Variants in TDRD9 observed in about 807,000 individuals in gnomAD.
TDRD9 encodes ATP-dependent RNA helicase TDRD9.
Under a neutral mutation model 172.6 loss-of-function variants are expected in TDRD9, and 124 were observed. The observed-to-expected ratio is 0.72, with a 90% CI of 0.62 to 0.83. TDRD9 has a LOEUF of 0.83. Ranked by LOEUF, TDRD9 falls within the 40% of genes least tolerant of loss-of-function variation. The pLI is 0.00. For missense variants in TDRD9, 1,479 were observed against 1,714.1 expected (o/e 0.86, Z 2.42); for synonymous variants, 619 against 617.1 (o/e 1.00, Z -0.05).
intron 20 of TDRD9, 36 bp downstream of exon 20, chr14:104,008,502 A>G (rs769299058): frequency 6.2e-6 from 8 of 1,284,842 alleles, no homozygotes; most frequent in Non-Finnish European, 9.0e-6. Context: ...GATGCAAATA[A>G]AGTTGACTTA....
At chr14:103,947,494 A>AT (rs2031633267) in intron 1 of TDRD9, among the ~76,000 whole-genome samples, 1 of 151,666 alleles carries the variant, frequency 6.6e-6, no homozygotes, top group African/African-American at 2.4e-5. Flanking sequence ...CGCCCGGCTA[A>AT]TTTTTTTGTA....
chr14:103,933,819 A>G lies in TDRD9; in HGVS notation c.215+5095A>G, dbSNP rs946564479. On this transcript the variant is annotated intron_variant, in intron 1 of 35. Coordinates refer to ENST00000409874, the MANE Select transcript of TDRD9 (RefSeq NM_153046.3). ...AATGAGCCGTCTCGGCCCTTCTGAC[A>G]GATGGGGGAAGTTAAGATCAGAGAA... is the stretch of plus-strand genomic sequence containing the variant. Among the ~76,000 whole-genome samples the G allele has an allele frequency of 1.1e-4, 17 of 152,238 alleles. 1 individual carries two copies. Among genetic ancestry groups the G allele is most frequent in the African/African-American group, 4.1e-4 (17 of 41,474 alleles).
rs1166628147 is a variant in TDRD9, at chr14:104,026,122, G to T, written c.3007G>T (p.Glu1003Ter). The T allele has an allele frequency of 2.5e-6, 4 of 1,606,134 alleles. No homozygotes were observed. The South Asian group carries it at 3.3e-5, about 13-fold the overall frequency. ...GATGGAGATTCCCTGTCAATTTCTTGAACTTCCTTTCCAGGTAAGGTAGAG... is the reference window on the plus strand; with the variant it reads ...GATGGAGATTCCCTGTCAATTTCTTTAACTTCCTTTCCAGGTAAGGTAGAG... ...LLMEIPCQFL[E>*]LPFQALEFKI... Residue 1003 changes from glutamate (E) to a stop codon, truncating the protein, a stop_gained, in exon 27 of 36, where the codon GAA (glutamate) becomes TAA (stop). Transcript: ENST00000409874. LOFTEE classifies it high-confidence loss of function.
chr14:104,011,021 C>T (rs2034596736), intron 20 of TDRD9, among the ~76,000 whole-genome samples: 1 of 152,324 alleles, frequency 6.6e-6, no homozygotes, highest in East Asian at 1.9e-4. Context: ...AGCATCACTG[C>T]AGACACGTGA....
At position 103,955,776 on chromosome 14, in the gene TDRD9, C is replaced by G; in HGVS notation, c.322+6C>G. 3 of 1,549,252 alleles carry G rather than the reference C, an allele frequency of 1.9e-6. No individual in the cohort carries two copies. The highest frequency in any genetic ancestry group is 2.6e-6 in the Non-Finnish European group (3 of 1,145,592). The stretch of plus-strand genomic sequence containing the variant: ...CCAACCAACCAGTGGGCCAGGTAAA[C>G]AGGTCTCTTTAAATATTTTAGATAG... On this transcript the variant is annotated splice_donor_region_variant and intron_variant, in intron 2 of 35. Coordinates refer to ENST00000409874, the MANE Select transcript of TDRD9 (RefSeq NM_153046.3).
chr14:103,996,666 A>T (rs1197449182), intron 12 of TDRD9, among the ~76,000 whole-genome samples: 1 of 152,184 alleles, frequency 6.6e-6, no homozygotes, highest in Admixed American at 6.5e-5. Flanking sequence ...GATAATGAGC[A>T]GGTGTTTTGT....
At chr14:103,983,849 A>G (rs1390045002) in intron 7 of TDRD9, among the ~76,000 whole-genome samples, 1 of 152,260 alleles carries the variant, frequency 6.6e-6, no homozygotes, top group Non-Finnish European at 1.5e-5. Flanking sequence ...GGAACTTCCT[A>G]GAGACTTGTT....
Position 104,039,273 on chromosome 14 carries a change from T to G in TDRD9, c.3717-923T>G, listed in dbSNP as rs1335403490. Among the ~76,000 whole-genome samples, 3 of 152,258 alleles carry G rather than the reference T, an allele frequency of 2.0e-5. No individual in the cohort carries two copies. The East Asian group carries it at 5.8e-4, about 29-fold the overall frequency. On this transcript the variant is annotated intron_variant, in intron 32 of 35. Coordinates refer to ENST00000409874, the MANE Select transcript of TDRD9 (RefSeq NM_153046.3). Reference sequence around the variant, plus strand: ...GATTAACTGCCTTCCAGAGGGTCCCTCCCATGACACGTGGGGATTATTTAG... The same window carrying G: ...GATTAACTGCCTTCCAGAGGGTCCCGCCCATGACACGTGGGGATTATTTAG...
chr14:103,972,993 GAAT>G (rs1295651963), intron 6 of TDRD9, among the ~76,000 whole-genome samples: 2 of 152,140 alleles, frequency 1.3e-5, no homozygotes, highest in Non-Finnish European at 2.9e-5. Flanking sequence ...ACTCAAGTCA[GAAT>G]AATGAGTTGG....
At chr14:103,994,660 T>C (rs1195945862) in intron 11 of TDRD9, 57 bp downstream of exon 11, 18 of 1,420,600 alleles carry the variant, frequency 1.3e-5, no homozygotes, top group Non-Finnish European at 1.7e-5. Flanking sequence ...CCTTAGAGAC[T>C]CTACTCATGA....
intron 3 of TDRD9, among the ~76,000 whole-genome samples, chr14:103,963,654 A>G (rs992827282): frequency 1.3e-5 from 2 of 152,248 alleles, no homozygotes; most frequent in Admixed American, 6.5e-5. Context: ...TGCCAGGCAG[A>G]TGTAACAGTA....
At chr14:104,000,099 G>T (rs1000479077) in intron 13 of TDRD9, among the ~76,000 whole-genome samples, 1 of 151,882 alleles carries the variant, frequency 6.6e-6, no homozygotes, top group Admixed American at 6.6e-5. Context: ...AGACTGAGGC[G>T]GGTAGATGCC....
At chr14:104,044,327 T>C (rs1424321955) in intron 34 of TDRD9, among the ~76,000 whole-genome samples, 1 of 152,174 alleles carries the variant, frequency 6.6e-6, no homozygotes, top group Non-Finnish European at 1.5e-5. Flanking sequence ...TAAAACAGAA[T>C]GTGTCATTGT....
At chr14:103,938,639 A>G (rs1054593546) in intron 1 of TDRD9, among the ~76,000 whole-genome samples, 7 of 151,118 alleles carry the variant, frequency 4.6e-5, no homozygotes, top group Non-Finnish European at 7.4e-5. Context: ...GGGTTTCTCT[A>G]TGTTGGCCAG....
intron 1 of TDRD9, among the ~76,000 whole-genome samples, chr14:103,951,874 C>T (rs991336748): frequency 4.6e-5 from 7 of 151,120 alleles, no homozygotes; most frequent in African/African-American, 1.7e-4. Flanking sequence ...TCACGCCGTT[C>T]TCCTGCCTCA....
chr14:104,039,771 A>T (rs1403303271), intron 32 of TDRD9, among the ~76,000 whole-genome samples: 1 of 152,072 alleles, frequency 6.6e-6, no homozygotes, highest in African/African-American at 2.4e-5. Flanking sequence ...AAGGTGGAAC[A>T]TTTTTTTAGG....
chr14:104,014,189 G>A (rs771869571), intron 20 of TDRD9, among the ~76,000 whole-genome samples: 4 of 144,664 alleles, frequency 2.8e-5, no homozygotes, highest in Non-Finnish European at 4.5e-5. Context: ...AGCTGTGATC[G>A]CGCCACTGCA....
chr14:103,958,891 A>T (rs1380175313), intron 2 of TDRD9, among the ~76,000 whole-genome samples: 1 of 152,202 alleles, frequency 6.6e-6, no homozygotes, highest in Non-Finnish European at 1.5e-5. Flanking sequence ...GTTGGATGAG[A>T]TAGGCAAGAC....
intron 34 of TDRD9, among the ~76,000 whole-genome samples, chr14:104,048,996 T>G (rs2035861790): frequency 6.6e-6 from 1 of 152,170 alleles, no homozygotes; most frequent in Non-Finnish European, 1.5e-5. Context: ...TACTCCACTG[T>G]TCTCACCTGG....
Sources: allele counts gnomAD v4.1 joint callset (sites outside exome capture counted in the v4.1 genomes callset), GRCh38; gene constraint gnomAD v4.1.1; transcripts MANE v1.5; gene names NCBI Gene and HGNC (gene_info 2026-07-23, HGNC 2026-07-21).